The following SNX18 variants were observed in gnomAD, a reference collection of about 807,000 sequenced individuals.
SNX18 encodes the protein sorting nexin-18.
A neutral mutation model predicts 48.7 loss-of-function variants in SNX18; 35 were observed. The ratio of observed to expected loss-of-function variants is 0.72; its 90% CI spans 0.55 to 0.95. The LOEUF (loss-of-function observed/expected upper bound fraction) is 0.95, where lower values mean the gene tolerates loss of function less well. SNX18 is among the 40% of genes least tolerant of loss of function. SNX18 has a pLI of 0.00. For missense variants in SNX18, 824 were observed against 871.0 expected (o/e 0.95, Z 0.68); for synonymous variants, 492 against 384.7 (o/e 1.28, Z -3.26).
the SNX18 span, among the ~76,000 whole-genome samples, chr5:54,588,306 CTTTTTTTTTTTTTTTTTT>C: frequency 7.0e-4 from 52 of 73,910 alleles, no homozygotes; most frequent in East Asian, 2.4e-3. Flanking sequence ...TATTTCTATT[CTTTTTTTTTTTTTTTTTT>C]TTTTTTTTTT....
chr5:54,552,168 G>A, the SNX18 span, among the ~76,000 whole-genome samples: 25 of 152,188 alleles, frequency 1.6e-4, no homozygotes, highest in African/African-American at 5.8e-4. Flanking sequence ...CCATTACCAC[G>A]CATCACACCC....
the SNX18 span, among the ~76,000 whole-genome samples, chr5:54,613,762 G>T: frequency 6.6e-6 from 1 of 152,090 alleles, no homozygotes; most frequent in African/African-American, 2.4e-5. Context: ...ACAATGGTGC[G>T]ATCTCGGCTC....
chr5:54,538,194 A>G (rs1762392482), intron 1 of SNX18, among the ~76,000 whole-genome samples: 2 of 152,236 alleles, frequency 1.3e-5, no homozygotes, highest in South Asian at 4.1e-4. Context: ...CAAAACCCAG[A>G]TTCTACTTCT....
the SNX18 span, among the ~76,000 whole-genome samples, chr5:54,576,542 C>A: frequency 1.3e-5 from 2 of 152,188 alleles, no homozygotes; most frequent in African/African-American, 4.8e-5. Flanking sequence ...TTTGCCCTAA[C>A]GGCACTGGTG....
At chr5:54,615,842 T>G in the SNX18 span, among the ~76,000 whole-genome samples, 1 of 152,184 alleles carries the variant, frequency 6.6e-6, no homozygotes, top group Non-Finnish European at 1.5e-5. Context: ...ACAGGTGAAA[T>G]TAGTGGCATG....
chr5:54,584,574 G>T, the SNX18 span, among the ~76,000 whole-genome samples: 4 of 152,244 alleles, frequency 2.6e-5, no homozygotes, highest in East Asian at 7.7e-4. Context: ...GACAAGCCAG[G>T]TGTCTATGCA....
At chr5:54,567,433 G>T in the SNX18 span, among the ~76,000 whole-genome samples, 1 of 152,142 alleles carries the variant, frequency 6.6e-6, no homozygotes, top group Non-Finnish European at 1.5e-5. Flanking sequence ...CCAAGATGGG[G>T]ATTGTGGGGG....
chr5:54,593,264 TG>T, the SNX18 span, among the ~76,000 whole-genome samples: 2 of 152,232 alleles, frequency 1.3e-5, no homozygotes, highest in Non-Finnish European at 2.9e-5. Context: ...TGTAACTCAC[TG>T]TATAAGAAAT....
rs770418434 is a variant in SNX18, at chr5:54,519,260, G to A, written c.1308G>A (p.Lys436=). 6.2e-7 allele frequency: 1 copy of A among 1,614,138 alleles called. No individual in the cohort carries two copies. Among genetic ancestry groups the A allele is most frequent in the Non-Finnish European group, 8.5e-7 (1 of 1,180,024 alleles). Reference sequence around the variant, plus strand: ...TCGACGGCTTCAAGTGCTTCACCAAGAAGATGGACGACAGCGCGCTGCAGC... The same window carrying A: ...TCGACGGCTTCAAGTGCTTCACCAAAAAGATGGACGACAGCGCGCTGCAGC... ...SKIDGFKCFT[K]KMDDSALQLN... Residue 436 remains lysine (K), a synonymous_variant, in exon 1 of 2, where the codon AAG becomes AAA. Coordinates refer to ENST00000381410, the MANE Select transcript of SNX18 (RefSeq NM_001102575.2).
At chr5:54,645,092 T>C in the SNX18 span, 1 of 152,222 alleles carries the variant, frequency 6.6e-6, no homozygotes, top group Non-Finnish European at 1.5e-5. Flanking sequence ...TGTAGTTAGT[T>C]TCTCTGTTTA....
the SNX18 span, among the ~76,000 whole-genome samples, chr5:54,590,328 A>AG: frequency 4.6e-5 from 7 of 152,104 alleles, no homozygotes; most frequent in African/African-American, 1.4e-4. Context: ...GTAGTTCTAG[A>AG]CGGGGGGCAT....
the SNX18 span, among the ~76,000 whole-genome samples, chr5:54,641,267 T>C: frequency 6.6e-6 from 1 of 152,226 alleles, no homozygotes; most frequent in Admixed American, 6.5e-5. Context: ...TGTTGTCATA[T>C]CCTGATAAAT....
the SNX18 span, among the ~76,000 whole-genome samples, chr5:54,553,096 G>A: frequency 2.6e-5 from 4 of 152,126 alleles, no homozygotes; most frequent in East Asian, 7.7e-4. Flanking sequence ...TGGTGAGGAG[G>A]AGATGCACCC....
the SNX18 span, among the ~76,000 whole-genome samples, chr5:54,636,487 C>A: frequency 6.6e-6 from 1 of 152,138 alleles, no homozygotes; most frequent in African/African-American, 2.4e-5. Context: ...CTCTTCTGTT[C>A]TCTTTTAATA....
rs1160199213 is a variant in SNX18 at position 54,518,355 on chromosome 5, C to T, written c.403C>T (p.Pro135Ser). The T allele has an allele frequency of 1.3e-6, 2 of 1,538,540 alleles. No individual in the cohort carries two copies. Among genetic ancestry groups the T allele is most frequent in the Non-Finnish European group, 1.7e-6 (2 of 1,145,030 alleles). The change falls in exon 1 of 2, where the codon CCG becomes TCG. Residue 135 changes from proline (P) to serine (S), a missense_variant. By Grantham distance (74) the Pro-to-Ser change is moderately conservative. Transcript: ENST00000381410. ...CCCGTACGGCGGGGGCGCCCTGCAG[C>T]CGTCGCCTCAGCAGCTCTACGGCGG... ...GFPYGGGALQ[P>S]SPQQLYGGYQ...
chr5:54,564,245 A>G, the SNX18 span, among the ~76,000 whole-genome samples: 4 of 152,264 alleles, frequency 2.6e-5, no homozygotes, highest in East Asian at 1.9e-4. Flanking sequence ...CAGCCTGGGC[A>G]AAAAGAATGA....
the SNX18 span, among the ~76,000 whole-genome samples, chr5:54,553,089 T>C: frequency 1.3e-5 from 2 of 151,336 alleles, no homozygotes; most frequent in African/African-American, 4.9e-5. Flanking sequence ...TGCAGACTGG[T>C]GAGGAGGAGA....
At chr5:54,601,168 A>G in the SNX18 span, among the ~76,000 whole-genome samples, 3 of 152,326 alleles carry the variant, frequency 2.0e-5, no homozygotes, top group East Asian at 3.9e-4. Flanking sequence ...CTCTGTATCC[A>G]ATAATGGCTT....
chr5:54,519,520 C>T lies in SNX18; in HGVS notation c.1568C>T (p.Ala523Val), dbSNP rs371638046. The T allele has an allele frequency of 5.0e-6, 8 of 1,614,076 alleles. No homozygotes were observed. In the East Asian group the frequency reaches 6.7e-5, roughly 13 times the overall value. Residue 523 changes from alanine to valine, a missense_variant, in exon 1 of 2, where the codon GCG becomes GTG. Around this residue, in one of 3 missense-constraint regions of SNX18, gnomAD observed 443 missense variants for 503.6 expected, o/e 0.88. Coordinates refer to ENST00000381410, the MANE Select transcript of SNX18 (RefSeq NM_001102575.2). Reference protein sequence around the residue: ...QDLDPVMDLLALYQGHLANFP... With the variant: ...QDLDPVMDLLVLYQGHLANFP... ...CTGGATCCCGTCATGGACCTATTAG[C>T]GCTGTATCAGGGGCATCTGGCTAAC...
Sources: allele counts gnomAD v4.1 joint callset (sites outside exome capture counted in the v4.1 genomes callset), GRCh38; gene constraint gnomAD v4.1.1; regional missense constraint gnomAD v4.1.1; transcripts MANE v1.5; gene names NCBI Gene and HGNC (gene_info 2026-07-23, HGNC 2026-07-21).